The following TIMM9 variants were observed in gnomAD, a reference collection of about 807,000 sequenced individuals.
TIMM9 encodes translocase of inner mitochondrial membrane 9, also known as mitochondrial import inner membrane translocase subunit Tim9.
A neutral mutation model predicts 13.4 loss-of-function variants in TIMM9; 10 were observed. The observed-to-expected ratio is 0.75, with a 90% CI of 0.46 to 1.26. The LOEUF is 1.26. TIMM9 is among the 50% of genes most tolerant of loss of function. The probability of loss-of-function intolerance (pLI) is 0.00; values close to 1 mark genes in which losing one functional copy is unlikely to be tolerated. For synonymous variants in TIMM9, 32 were observed against 32.1 expected (o/e 1.00, Z 0.01); for missense variants, 87 against 100.8 (o/e 0.86, Z 0.58).
Position 58,410,282 on chromosome 14 carries a change from C to T in TIMM9, c.135+561G>A, listed in dbSNP as rs190958328. On this transcript the variant is annotated intron_variant, in intron 5 of 5. Transcript: ENST00000395159. ...TAAAGACAGGGTTTCACCATGTTGC[C>T]GAGGCTGGTTTCGAACTCCTGGGCT... is the stretch of plus-strand genomic sequence containing the variant. 3.3e-5 allele frequency among the ~76,000 whole-genome samples: 5 copies of T among 151,880 alleles called. No homozygotes were observed. The South Asian group carries it at 6.3e-4, about 19-fold the overall frequency.
At chr14:58,418,893 T>C (rs1429900116) in intron 3 of TIMM9, among the ~76,000 whole-genome samples, 1 of 152,162 alleles carries the variant, frequency 6.6e-6, no homozygotes, top group Non-Finnish European at 1.5e-5. Context: ...ATATACGGGC[T>C]TATTGCAATT....
intron 3 of TIMM9, among the ~76,000 whole-genome samples, chr14:58,421,613 C>T (rs1425384497): frequency 1.3e-5 from 2 of 152,154 alleles, no homozygotes; most frequent in Non-Finnish European, 2.9e-5. Flanking sequence ...TATTGTATAA[C>T]TTTCTGGTAC....
At chr14:58,412,029 C>T (rs970735253) in intron 3 of TIMM9, 58 bp from the exon 4 acceptor site, 16 of 1,322,098 alleles carry the variant, frequency 1.2e-5, no homozygotes, top group Non-Finnish European at 1.7e-5. Context: ...TTTAGTCTAA[C>T]TGAAGAGTTA....
intron 4 of TIMM9, among the ~76,000 whole-genome samples, chr14:58,411,550 T>A (rs1018540107): frequency 3.3e-5 from 5 of 152,122 alleles, no homozygotes; most frequent in African/African-American, 1.2e-4. Context: ...GACATGGTTT[T>A]TTTTTTTGAG....
Position 58,411,060 on chromosome 14 carries a change from T to C in TIMM9, c.40-122A>G, listed in dbSNP as rs1319551284. 9 of 674,984 alleles carry C rather than the reference T, an allele frequency of 1.3e-5. No individual in the cohort carries two copies. The Admixed American group carries it at 1.8e-4, about 14-fold the overall frequency. 41.8% of individuals were successfully genotyped at this position (674,984 alleles called of 1,614,324 possible). On this transcript the variant is annotated intron_variant, in intron 4 of 5. Coordinates refer to ENST00000395159, the MANE Select transcript of TIMM9 (RefSeq NM_012460.4). ...CTATAACACTTGAAATCATAGTTAT[T>C]ATGCTAACTTAAATGGGTACAGTAT...
intron 3 of TIMM9, among the ~76,000 whole-genome samples, chr14:58,413,015 ATTT>A (rs1259608253): frequency 6.6e-6 from 1 of 152,138 alleles, no homozygotes; most frequent in Admixed American, 6.6e-5. Flanking sequence ...CTTATTTTAA[ATTT>A]TTTACTATTA....
At chr14:58,411,873 G>T in intron 4 of TIMM9, 34 bp downstream of exon 4, 1 of 1,603,718 alleles carries the variant, frequency 6.2e-7, no homozygotes, top group Non-Finnish European at 8.5e-7. Context: ...ACATTTTTTT[G>T]CAAAATCTTT....
intron 3 of TIMM9, 108 bp from the exon 4 acceptor site, chr14:58,412,079 T>A (rs548048621): frequency 1.3e-6 from 1 of 756,524 alleles, no homozygotes; most frequent in East Asian, 2.7e-5. Flanking sequence ...GTGTATGTAA[T>A]TGTATGCCAC....
intron 3 of TIMM9, among the ~76,000 whole-genome samples, chr14:58,414,266 A>C (rs923763846): frequency 6.6e-6 from 1 of 152,124 alleles, no homozygotes; most frequent in African/African-American, 2.4e-5. Context: ...TGTTGAAACT[A>C]ATTTTTATGA....
intron 2 of TIMM9, among the ~76,000 whole-genome samples, chr14:58,425,607 T>A (rs1370453560): frequency 6.6e-6 from 1 of 151,472 alleles, no homozygotes; most frequent in Admixed American, 6.6e-5. Context: ...AAGATCCAAA[T>A]TAAGTTGTCA....
rs182838632 is a variant in TIMM9, at chr14:58,418,367, A to G, written c.-27+5641T>C. Among the ~76,000 whole-genome samples the G allele has an allele frequency of 5.3e-5, 8 of 152,374 alleles. 1 individual carries two copies. In the South Asian group the frequency reaches 6.2e-4, roughly 12 times the overall value. ...TACAGCCTACACTATACTTAATGGCAAAAGATAATACTTTCCCATAAGATT... is the reference window on the plus strand; with the variant it reads ...TACAGCCTACACTATACTTAATGGCGAAAGATAATACTTTCCCATAAGATT... On this transcript the variant is annotated intron_variant, in intron 3 of 5. Coordinates refer to ENST00000395159, the MANE Select transcript of TIMM9 (RefSeq NM_012460.4).
At chr14:58,421,744 TA>T (rs2036593782) in intron 3 of TIMM9, among the ~76,000 whole-genome samples, 1 of 152,142 alleles carries the variant, frequency 6.6e-6, no homozygotes, top group African/African-American at 2.4e-5. Flanking sequence ...AAACAACTTC[TA>T]AAGAAGTATT....
chr14:58,409,107 C>A lies in TIMM9; in HGVS notation c.197G>T (p.Arg66Ile). The A allele has an allele frequency of 6.2e-7, 1 of 1,613,880 alleles. No homozygotes were observed. Among genetic ancestry groups the A allele is most frequent in the Non-Finnish European group, 8.5e-7 (1 of 1,179,900 alleles). ...YLKMTQRISMRFQEYHIQQNE... is the reference protein window; with the variant it reads ...YLKMTQRISMIFQEYHIQQNE... Reference sequence around the variant, plus strand: ...CTGCTGAATATGATATTCCTGAAATCTCATGGATATTCTTTGTGTCATTTT... The same window carrying A: ...CTGCTGAATATGATATTCCTGAAATATCATGGATATTCTTTGTGTCATTTT... Residue 66 changes from arginine to isoleucine, a missense_variant, in exon 6 of 6, where the codon AGA (arginine) becomes ATA (isoleucine). Coordinates refer to ENST00000395159, the MANE Select transcript of TIMM9 (RefSeq NM_012460.4).
At position 58,408,843 on chromosome 14, in the gene TIMM9, G is replaced by C. The variant is rs2036115449; in HGVS notation, c.*191C>G. The C allele has an allele frequency of 1.3e-6, 1 of 796,296 alleles. No individual in the cohort carries two copies. The allele number at this position is 796,296 out of a possible 1,614,324, so 49.3% of individuals were successfully genotyped here. The stretch of plus-strand genomic sequence containing the variant: ...ATCTTATTATTTCACTGAACAATAA[G>C]ACCTTCTATTGTGATTATTCCTGGT... On this transcript the variant is annotated 3_prime_UTR_variant, in exon 6 of 6. Coordinates refer to ENST00000395159, the MANE Select transcript of TIMM9 (RefSeq NM_012460.4).
chr14:58,419,451 TCACACACACACACA>T lies in TIMM9; in HGVS notation c.-27+4543_-27+4556del, dbSNP rs67147520. Among the ~76,000 whole-genome samples, 239 of 112,924 alleles carry T rather than the reference TCACACACACACACA, an allele frequency of 2.1e-3. 1 individual carries two copies. The highest frequency in any genetic ancestry group is 8.9e-3 in the East Asian group (35 of 3,950). 74.1% of individuals were successfully genotyped at this position (112,924 alleles called of 152,430 possible). On this transcript the variant is annotated intron_variant, in intron 3 of 5. Coordinates refer to ENST00000395159, the MANE Select transcript of TIMM9 (RefSeq NM_012460.4). ...GTCTGGAAAATAGAGTGAGACCCCG[TCACACACACACACA>T]CACACACACACACACACACACACAC...
intron 2 of TIMM9, among the ~76,000 whole-genome samples, chr14:58,425,544 G>GA (rs764283280): frequency 0.015 from 1,926 of 124,684 alleles, 14 homozygotes; most frequent in Middle Eastern, 0.021. Flanking sequence ...CCTGTCTCTG[G>GA]AAAAAAAAAA....
In TIMM9 at chr14:58,408,575, CTGAT is replaced by C. The variant is rs2036107190; in HGVS notation, c.*455_*458del. The stretch of plus-strand genomic sequence containing the variant: ...GAACAGGACTGCTTGGAGGATGATC[CTGAT>C]TGAAAAACATTTCAACGTATCCACA... On this transcript the variant is annotated 3_prime_UTR_variant, in exon 6 of 6. Coordinates refer to ENST00000395159, the MANE Select transcript of TIMM9 (RefSeq NM_012460.4). The C allele has an allele frequency of 1.9e-6, 3 of 1,613,772 alleles. No individual in the cohort carries two copies. Among genetic ancestry groups the C allele is most frequent in the Non-Finnish European group, 2.5e-6 (3 of 1,179,924 alleles).
intron 3 of TIMM9, among the ~76,000 whole-genome samples, chr14:58,412,630 G>C (rs2036257869): frequency 6.6e-6 from 1 of 152,184 alleles, no homozygotes; most frequent in Non-Finnish European, 1.5e-5. Context: ...GCTGGGTGTG[G>C]TGGCTCATGC....
In TIMM9 at chr14:58,409,038, C is replaced by A. The variant is rs370797955; in HGVS notation, c.266G>T (p.Arg89Leu). The A allele has an allele frequency of 1.9e-6, 3 of 1,611,830 alleles. No individual in the cohort carries two copies. The East Asian group carries it at 6.7e-5, about 36-fold the overall frequency. ...AGTTCATCCATCAGGACTTCTCTATCGTGGTTGGCCAAGGAGTCCTGCTTT... is the reference window on the plus strand; with the variant it reads ...AGTTCATCCATCAGGACTTCTCTATAGTGGTTGGCCAAGGAGTCCTGCTTT... ...AAKAGLLGQPR is the reference protein window; with the variant it reads ...AAKAGLLGQPL Residue 89 changes from arginine (R) to leucine (L), a missense_variant, in exon 6 of 6, where the codon CGA (arginine) becomes CTA (leucine). Transcript: ENST00000395159.
Sources: allele counts gnomAD v4.1 joint callset (sites outside exome capture counted in the v4.1 genomes callset), GRCh38; gene constraint gnomAD v4.1.1; transcripts MANE v1.5; gene names NCBI Gene and HGNC (gene_info 2026-07-23, HGNC 2026-07-21).